Variants in PARD3B observed in about 807,000 individuals in gnomAD.
PARD3B encodes par-3 family cell polarity regulator beta, also known as partitioning defective 3 homolog B.
Under a neutral mutation model 130.2 loss-of-function variants are expected in PARD3B, and 103 were observed. The observed-to-expected ratio is 0.79, with a 90% CI of 0.67 to 0.93. PARD3B has a LOEUF of 0.93. PARD3B is among the 40% of genes least tolerant of loss of function. The probability of loss-of-function intolerance (pLI) is 0.00; values close to 1 mark genes in which losing one functional copy is unlikely to be tolerated. For missense variants in PARD3B, 1,609 were observed against 1,499.2 expected (o/e 1.07, Z -1.21); for synonymous variants, 583 against 553.2 (o/e 1.05, Z -0.76).
intron 3 of PARD3B, among the ~76,000 whole-genome samples, chr2:204,990,753 G>A (rs569313839): frequency 6.6e-6 from 1 of 152,124 alleles, no homozygotes; most frequent in East Asian, 1.9e-4. Flanking sequence ...ACATTTTTAT[G>A]TTTGAATATT....
At chr2:205,127,096 T>C (rs1405784057) in intron 10 of PARD3B, among the ~76,000 whole-genome samples, 2 of 151,658 alleles carry the variant, frequency 1.3e-5, no homozygotes, top group African/African-American at 2.4e-5. Flanking sequence ...GGTCAGGAGT[T>C]CGAAACCTGA....
At position 205,125,535 on chromosome 2, in the gene PARD3B, T is replaced by G. The variant is rs2031273210; in HGVS notation, c.1306-74T>G. 6.6e-7 allele frequency: 1 copy of G among 1,519,512 alleles called. No homozygotes were observed. Among genetic ancestry groups the G allele is most frequent in the African/African-American group, 1.4e-5 (1 of 71,860 alleles). 94.1% of individuals were successfully genotyped at this position (1,519,512 alleles called of 1,614,324 possible). A position where few individuals can be genotyped will look rare whatever the true frequency, so the allele number is the denominator to read the frequency against. ...TATGGGAGCCCATTTGCTTCTTGTT[T>G]TCAAAAACTATCTAGTGTAGAAGGA... On this transcript the variant is annotated intron_variant, in intron 9 of 22. Transcript: ENST00000406610. This position sits in a 1 kb window ranked among gnomAD's most constrained non-coding sequence, Gnocchi z 4.0.
chr2:204,999,546 C>A (rs1461760842), intron 3 of PARD3B, among the ~76,000 whole-genome samples: 3 of 152,216 alleles, frequency 2.0e-5, no homozygotes, highest in Non-Finnish European at 4.4e-5. Flanking sequence ...CGCACCCAAT[C>A]TTTTCTATCC....
Position 205,366,948 on chromosome 2 carries a change from G to T in PARD3B, c.2631-34065G>T, listed in dbSNP as rs991232117. ...TCATCACACTTAGGTCTGGGAAGCT[G>T]TAAAAACAAAACCTGTGCTGAACAG... On this transcript the variant is annotated intron_variant, in intron 18 of 22. Coordinates refer to ENST00000406610, the MANE Select transcript of PARD3B (RefSeq NM_001302769.2). The surrounding 1 kb of genome is among the most constrained non-coding windows in gnomAD (Gnocchi z 5.0). Among the ~76,000 whole-genome samples the T allele has an allele frequency of 6.6e-6, 1 of 152,226 alleles. No individual in the cohort carries two copies. Among genetic ancestry groups the T allele is most frequent in the African/African-American group, 2.4e-5 (1 of 41,456 alleles).
chr2:205,043,573 G>T (rs1698536179), intron 3 of PARD3B, among the ~76,000 whole-genome samples: 1 of 152,130 alleles, frequency 6.6e-6, no homozygotes. Context: ...GTTACTGTTA[G>T]ATTTATAAGC....
At chr2:204,570,359 G>C (rs1263161007) in intron 1 of PARD3B, among the ~76,000 whole-genome samples, 1 of 152,142 alleles carries the variant, frequency 6.6e-6, no homozygotes, top group Non-Finnish European at 1.5e-5. Flanking sequence ...CTCACCTTTA[G>C]GGTTGATGTT....
At chr2:204,732,155 A>G (rs763390529) in intron 2 of PARD3B, among the ~76,000 whole-genome samples, 9 of 152,018 alleles carry the variant, frequency 5.9e-5, no homozygotes, top group Non-Finnish European at 1.3e-4. Context: ...CCAGGAAAGC[A>G]CTATCTTATT....
At chr2:205,123,242 C>T (rs997621807) in intron 8 of PARD3B, among the ~76,000 whole-genome samples, 3 of 152,172 alleles carry the variant, frequency 2.0e-5, no homozygotes, top group African/African-American at 7.2e-5. Context: ...AGAAGAATTA[C>T]AGTGATTCCT....
chr2:204,744,057 T>G (rs923555782), intron 2 of PARD3B, among the ~76,000 whole-genome samples: 2 of 152,166 alleles, frequency 1.3e-5, no homozygotes, highest in Admixed American at 1.3e-4. Flanking sequence ...TCTGGCCCCT[T>G]TTTTCTATCT....
At chr2:205,141,404 T>G (rs1267405940) in intron 10 of PARD3B, among the ~76,000 whole-genome samples, 2 of 152,232 alleles carry the variant, frequency 1.3e-5, no homozygotes, top group Non-Finnish European at 2.9e-5. Flanking sequence ...ATTGTTTAGA[T>G]GTTGATGTAG....
Position 204,554,185 on chromosome 2 carries a change from C to G in PARD3B, c.120+8066C>G, listed in dbSNP as rs1044181992. On this transcript the variant is annotated intron_variant, in intron 1 of 22. Transcript: ENST00000406610. ...CCTCTACGTCTTAGCACTACAGTAC[C>G]CCAGGACTCAATTCTTAAGTCTCCA... 9.2e-5 allele frequency among the ~76,000 whole-genome samples: 14 copies of G among 152,144 alleles called. No individual in the cohort carries two copies. In the East Asian group the frequency reaches 2.7e-3, roughly 29 times the overall value.
chr2:204,789,872 CT>C (rs386392368), intron 2 of PARD3B, among the ~76,000 whole-genome samples: 371 of 139,332 alleles, frequency 2.7e-3, no homozygotes, highest in Middle Eastern at 7.4e-3. Context: ...TAGTTTTCTT[CT>C]TTTTTTTTTT....
At chr2:205,224,779 C>G (rs2038452965) in intron 15 of PARD3B, among the ~76,000 whole-genome samples, 1 of 151,800 alleles carries the variant, frequency 6.6e-6, no homozygotes. Flanking sequence ...CTGAATAGTA[C>G]CTGATTTTTT....
intron 1 of PARD3B, among the ~76,000 whole-genome samples, chr2:204,596,457 T>G (rs2033292590): frequency 6.6e-6 from 1 of 152,226 alleles, no homozygotes; most frequent in Admixed American, 6.5e-5. Context: ...TTTTGTATCC[T>G]TTTTTGAAAC....
intron 1 of PARD3B, among the ~76,000 whole-genome samples, chr2:204,568,142 A>G (rs1436343360): frequency 1.3e-5 from 2 of 152,224 alleles, no homozygotes. Flanking sequence ...CAAAAAAGGT[A>G]TTGGGATACC....
intron 20 of PARD3B, among the ~76,000 whole-genome samples, chr2:205,492,396 A>G (rs1307459984): frequency 6.6e-6 from 1 of 152,206 alleles, no homozygotes; most frequent in Non-Finnish European, 1.5e-5. Context: ...GAGTAGAGTA[A>G]TTGTTTTAAT....
At chr2:204,579,116 A>AATCATCATCATCATCATC (rs374676828) in intron 1 of PARD3B, among the ~76,000 whole-genome samples, 1 of 150,692 alleles carries the variant, frequency 6.6e-6, no homozygotes, top group Non-Finnish European at 1.5e-5. Context: ...TATGAAAGGA[A>AATCATCATCATCATCATC]ATCATCATCA....
intron 18 of PARD3B, among the ~76,000 whole-genome samples, chr2:205,333,374 T>C (rs1237403670): frequency 1.3e-5 from 2 of 152,160 alleles, no homozygotes; most frequent in East Asian, 3.8e-4. Flanking sequence ...GAAATTATAA[T>C]ATATTAGATA....
chr2:205,480,288 C>T (rs2049184069), intron 20 of PARD3B, among the ~76,000 whole-genome samples: 2 of 152,182 alleles, frequency 1.3e-5, no homozygotes, highest in Admixed American at 1.3e-4. Context: ...CCAGAATACT[C>T]TTCATGGAGA....
Sources: allele counts gnomAD v4.1 joint callset (sites outside exome capture counted in the v4.1 genomes callset), GRCh38; gene constraint gnomAD v4.1.1; non-coding constraint Gnocchi (gnomAD v3.1); transcripts MANE v1.5; gene names NCBI Gene and HGNC (gene_info 2026-07-23, HGNC 2026-07-21).